MCPH1: variants seen among roughly 807,000 people sequenced by gnomAD.
MCPH1 encodes the protein microcephalin.
In MCPH1, 104 loss-of-function variants were observed where a neutral mutation model predicts 84.5. The ratio of observed to expected loss-of-function variants is 1.23; its 90% confidence interval spans 1.05 to 1.45. The LOEUF is 1.45. Ranked by LOEUF, MCPH1 falls within the 40% of genes most tolerant of loss-of-function variation. MCPH1 has a pLI of 0.00. For missense variants in MCPH1, 1,498 were observed against 1,005.7 expected (o/e 1.49, Z -6.62); for synonymous variants, 514 against 366.8 (o/e 1.40, Z -4.58).
rs1554480975 is a variant in MCPH1 at position 6,617,900 on chromosome 8, A to ATCTAATCTATCT, written c.2215-3554_2215-3553insTCTAATCTATCT. Among the ~76,000 whole-genome samples the ATCTAATCTATCT allele has an allele frequency of 4.8e-4, 69 of 143,134 alleles. 1 individual carries two copies. The highest frequency in any genetic ancestry group is 1.7e-3 in the African/African-American group (65 of 37,920). 93.9% of individuals were successfully genotyped at this position (143,134 alleles called of 152,430 possible). A position where few individuals can be genotyped will look rare whatever the true frequency, so the allele number is the denominator to read the frequency against. On this transcript the variant is annotated intron_variant, in intron 12 of 13. Transcript: ENST00000344683. ...CATCCATCTATCTATCTATCTATCT[A>ATCTAATCTATCT]ATCTATCTATCTATCTATCTATCTA...
At chr8:6,483,730 C>A (rs554376457) in intron 11 of MCPH1, among the ~76,000 whole-genome samples, 1 of 152,084 alleles carries the variant, frequency 6.6e-6, no homozygotes, top group African/African-American at 2.4e-5. Flanking sequence ...CATGGTGGCA[C>A]CTGCCTGTAA....
chr8:6,492,712 T>C (rs1810768560), intron 11 of MCPH1, among the ~76,000 whole-genome samples: 3 of 144,014 alleles, frequency 2.1e-5, no homozygotes, highest in Admixed American at 1.5e-4. Context: ...AAAATAAATA[T>C]TTTATATTAA....
intron 12 of MCPH1, among the ~76,000 whole-genome samples, chr8:6,569,993 G>C (rs17077547): frequency 1.3e-5 from 2 of 152,176 alleles, no homozygotes; most frequent in East Asian, 3.8e-4. Flanking sequence ...CATTAATGCA[G>C]AGCTGAATTC....
chr8:6,503,459 C>T (rs750704064), intron 12 of MCPH1, among the ~76,000 whole-genome samples: 1 of 152,320 alleles, frequency 6.6e-6, no homozygotes, highest in African/African-American at 2.4e-5. Flanking sequence ...AGTTCCATTA[C>T]GGCAAATGCT....
intron 13 of MCPH1, among the ~76,000 whole-genome samples, chr8:6,634,600 C>T (rs1462544224): frequency 6.6e-6 from 1 of 152,176 alleles, no homozygotes; most frequent in African/African-American, 2.4e-5. Flanking sequence ...CTTACCAGTC[C>T]ATTATTATGC....
intron 13 of MCPH1, among the ~76,000 whole-genome samples, chr8:6,639,115 C>A (rs895679941): frequency 6.6e-6 from 1 of 152,142 alleles, no homozygotes; most frequent in Non-Finnish European, 1.5e-5. Context: ...CAGCCTTTAT[C>A]CCCACCACGA....
chr8:6,420,598 T>C (rs1039852188), intron 3 of MCPH1, among the ~76,000 whole-genome samples: 2 of 152,114 alleles, frequency 1.3e-5, no homozygotes, highest in Non-Finnish European at 2.9e-5. Flanking sequence ...CTCATCTTCT[T>C]ATGGAGTCCA....
chr8:6,473,883 A>G, intron 9 of MCPH1: 1 of 1,516,714 alleles, frequency 6.6e-7, no homozygotes, highest in Non-Finnish European at 8.8e-7. Flanking sequence ...ATCCATTTCA[A>G]GATCTGATCT....
At chr8:6,415,156 T>G (rs1416123631) in intron 3 of MCPH1, among the ~76,000 whole-genome samples, 1 of 152,088 alleles carries the variant, frequency 6.6e-6, no homozygotes, top group Non-Finnish European at 1.5e-5. Flanking sequence ...GGGAATGTGA[T>G]GAAGCAGATT....
chr8:6,586,623 A>G (rs1285213330), intron 12 of MCPH1, among the ~76,000 whole-genome samples: 3 of 152,210 alleles, frequency 2.0e-5, no homozygotes, highest in Non-Finnish European at 2.9e-5. Flanking sequence ...GCCTGAAATA[A>G]AGGCAAACAG....
At chr8:6,450,357 A>G (rs1342648201) in intron 8 of MCPH1, among the ~76,000 whole-genome samples, 3 of 151,904 alleles carry the variant, frequency 2.0e-5, no homozygotes, top group Non-Finnish European at 2.9e-5. Context: ...TTTATCTGAA[A>G]GGTTTGCTGG....
At chr8:6,436,428 A>C (rs1459176970) in intron 5 of MCPH1, among the ~76,000 whole-genome samples, 2 of 152,236 alleles carry the variant, frequency 1.3e-5, no homozygotes, top group African/African-American at 4.8e-5. Context: ...ATTTCAGAAG[A>C]AAAGCAAACT....
In MCPH1 at chr8:6,621,671, T is replaced by C. The variant is rs201337403; in HGVS notation, c.2432T>C (p.Leu811Pro). 1.2e-5 allele frequency: 20 copies of C among 1,614,196 alleles called. No individual in the cohort carries two copies. The East Asian group carries it at 2.9e-4, about 23-fold the overall frequency. Residue 811 changes from leucine (L) to proline (P), a missense_variant, in exon 13 of 14, where the codon CTG becomes CCG. Transcript: ENST00000344683. ...SGKKKATVKY[L>P]SEKWVLDSIT... The stretch of plus-strand genomic sequence containing the variant: ...AAGAAGAAAGCCACAGTCAAGTATC[T>C]GTCTGAGAAATGGGTCTTAGGTAAG...
At chr8:6,533,260 G>T (rs1177777867) in intron 12 of MCPH1, among the ~76,000 whole-genome samples, 5 of 152,214 alleles carry the variant, frequency 3.3e-5, no homozygotes, top group African/African-American at 1.2e-4. Flanking sequence ...TGAAACACAA[G>T]AGAAGGAAGA....
At chr8:6,576,682 A>ATTGTTT (rs1827139392) in intron 12 of MCPH1, among the ~76,000 whole-genome samples, 1 of 42,306 alleles carries the variant, frequency 2.4e-5, no homozygotes, top group South Asian at 9.3e-4. Context: ...TAATTTTTGT[A>ATTGTTT]TTTTTTTTTT....
At chr8:6,446,461 G>A (rs1429980618) in intron 8 of MCPH1, 24 of 984,972 alleles carry the variant, frequency 2.4e-5, no homozygotes, top group Non-Finnish European at 2.8e-5. Context: ...TTGAGTATAC[G>A]CTCCCCAAAA....
At chr8:6,628,852 G>A (rs551177525) in intron 13 of MCPH1, among the ~76,000 whole-genome samples, 2 of 152,344 alleles carry the variant, frequency 1.3e-5, no homozygotes, top group East Asian at 1.9e-4. Context: ...GTTTTAGGCT[G>A]TCTTTGCTTA....
chr8:6,502,627 G>C (rs1428136436), intron 12 of MCPH1: 1 of 152,964 alleles, frequency 6.5e-6, no homozygotes, highest in African/African-American at 2.4e-5. Flanking sequence ...TTATGGCTTA[G>C]AGAGTTTTTT....
intron 9 of MCPH1, among the ~76,000 whole-genome samples, chr8:6,467,733 A>T (rs1020335449): frequency 6.6e-6 from 1 of 151,958 alleles, no homozygotes. Context: ...AGTAGCTGAG[A>T]CTCCAGGCAG....
Sources: gnomAD v4.1 joint callset for allele counts (sites outside exome capture counted in the v4.1 genomes callset) on GRCh38, gnomAD v4.1.1 for gene constraint, MANE v1.5 for transcripts, NCBI Gene and HGNC (gene_info 2026-07-23, HGNC 2026-07-21) for gene names.